Variants in TMEM65 observed in about 807,000 individuals in gnomAD.
The protein encoded by TMEM65 is transmembrane protein 65.
A neutral mutation model predicts 25.4 loss-of-function variants in TMEM65; 22 were observed. The ratio of observed to expected loss-of-function variants is 0.86; its 90% confidence interval spans 0.62 to 1.23. The LOEUF is 1.23. Ranked by LOEUF, TMEM65 falls within the 50% of genes most tolerant of loss-of-function variation. The pLI is 0.00. For missense variants in TMEM65, 262 were observed against 308.2 expected (o/e 0.85, Z 1.12); for synonymous variants, 132 against 126.2 (o/e 1.05, Z -0.31).
At chr8:124,338,960 G>A (rs926115805) in intron 1 of TMEM65, among the ~76,000 whole-genome samples, 1 of 151,774 alleles carries the variant, frequency 6.6e-6, no homozygotes, top group Non-Finnish European at 1.5e-5. Flanking sequence ...GGAGGCCAAG[G>A]CGGGTGGATC....
chr8:124,315,850 C>T (rs1375103208), intron 6 of TMEM65, among the ~76,000 whole-genome samples: 1 of 152,166 alleles, frequency 6.6e-6, no homozygotes, highest in African/African-American at 2.4e-5. Flanking sequence ...CTTCATTCCA[C>T]ATGCTGATAA....
At chr8:124,369,595 C>T (rs1192335165) in intron 1 of TMEM65, among the ~76,000 whole-genome samples, 1 of 152,108 alleles carries the variant, frequency 6.6e-6, no homozygotes, top group Non-Finnish European at 1.5e-5. Context: ...TACTTCAAAA[C>T]ATTATTCAAA....
At chr8:124,333,576 T>C (rs989359681) in intron 1 of TMEM65, among the ~76,000 whole-genome samples, 7 of 152,042 alleles carry the variant, frequency 4.6e-5, no homozygotes, top group Non-Finnish European at 5.9e-5. Flanking sequence ...AAGCTTGTAC[T>C]TCACCATACC....
chr8:124,361,264 T>G (rs919172372), intron 1 of TMEM65, among the ~76,000 whole-genome samples: 2 of 150,744 alleles, frequency 1.3e-5, no homozygotes. Context: ...CGAGACCCTG[T>G]CTCTACTAAA....
chr8:124,320,341 G>A, intron 5 of TMEM65, 150 bp from the exon 6 acceptor site: 2 of 464,692 alleles, frequency 4.3e-6, no homozygotes, highest in South Asian at 3.9e-5. Context: ...ATTACTACAA[G>A]GAGAAACAAG....
intron 1 of TMEM65, among the ~76,000 whole-genome samples, chr8:124,332,279 T>A (rs550904167): frequency 1.3e-5 from 2 of 152,278 alleles, no homozygotes; most frequent in East Asian, 3.9e-4. Context: ...GAACTATTTG[T>A]TAGTTGCATT....
intron 1 of TMEM65, among the ~76,000 whole-genome samples, chr8:124,343,975 T>C (rs965576306): frequency 6.6e-6 from 1 of 152,246 alleles, no homozygotes; most frequent in African/African-American, 2.4e-5. Flanking sequence ...TGTGTAACCC[T>C]AATTCCTTGT....
rs1815019669 is a variant in TMEM65 at position 124,371,844 on chromosome 8, C to T, written c.304+10G>A. 2.6e-6 allele frequency: 4 copies of T among 1,516,920 alleles called. No homozygotes were observed. Among genetic ancestry groups the T allele is most frequent in the Non-Finnish European group, 3.5e-6 (4 of 1,138,280 alleles). The allele number at this position is 1,516,920 out of a possible 1,614,324, so 94.0% of individuals were successfully genotyped here. On this transcript the variant is annotated intron_variant, in intron 1 of 6. Coordinates refer to ENST00000297632, the MANE Select transcript of TMEM65 (RefSeq NM_194291.3). The stretch of plus-strand genomic sequence containing the variant: ...GGCCCCCGGGCTCGCCCCCCACCTG[C>T]CCCCCTTACCTTGGGCAATGGCAAT...
At chr8:124,366,610 G>C (rs575153613) in intron 1 of TMEM65, among the ~76,000 whole-genome samples, 9 of 151,858 alleles carry the variant, frequency 5.9e-5, no homozygotes, top group African/African-American at 2.2e-4. Context: ...AAAATCATGA[G>C]CTATGATAGA....
intron 1 of TMEM65, among the ~76,000 whole-genome samples, chr8:124,356,692 C>T (rs966692064): frequency 1.3e-5 from 2 of 152,036 alleles, no homozygotes; most frequent in Admixed American, 1.3e-4. Context: ...CTATCTAAAG[C>T]ATCAGATCAC....
At position 124,313,979 on chromosome 8, in the gene TMEM65, T is replaced by C. The variant is rs1425409197; in HGVS notation, c.704A>G (p.Lys235Arg). The part of the protein sequence containing the change: ...IFFGGGEEDE[K>R]LETKS ...AGAGGATTAACTTTTCGTTTCCAGT[T>C]TTTCATCTTCTTCACCTCCTCCAAA... is the stretch of plus-strand genomic sequence containing the variant. Residue 235 changes from lysine to arginine, a missense_variant, in exon 7 of 7, where the codon AAA (lysine) becomes AGA (arginine). Transcript: ENST00000297632. 6.2e-7 allele frequency: 1 copy of C among 1,613,314 alleles called. No individual in the cohort carries two copies. The highest frequency in any genetic ancestry group is 1.1e-5 in the South Asian group (1 of 91,038).
chr8:124,340,158 G>T (rs1300816622), intron 1 of TMEM65, among the ~76,000 whole-genome samples: 2 of 152,058 alleles, frequency 1.3e-5, no homozygotes. Flanking sequence ...TATTCCACTG[G>T]CCAGAAAAAC....
At chr8:124,350,135 TG>T (rs1814688845) in intron 1 of TMEM65, among the ~76,000 whole-genome samples, 1 of 151,682 alleles carries the variant, frequency 6.6e-6, no homozygotes, top group Admixed American at 6.6e-5. Flanking sequence ...TGTGTGTGTG[TG>T]TGTGTGTGTG....
chr8:124,350,401 T>A (rs1364872590), intron 1 of TMEM65, among the ~76,000 whole-genome samples: 1 of 149,266 alleles, frequency 6.7e-6, no homozygotes, highest in East Asian at 2.0e-4. Flanking sequence ...TTTGTTTTAA[T>A]CTTTCTCTCT....
intron 1 of TMEM65, among the ~76,000 whole-genome samples, chr8:124,361,940 G>C (rs980012736): frequency 6.6e-6 from 1 of 151,562 alleles, no homozygotes; most frequent in Non-Finnish European, 1.5e-5. Context: ...GCCCAGGCTG[G>C]AGTGCAACGA....
At chr8:124,316,121 G>T (rs1158397416) in intron 6 of TMEM65, among the ~76,000 whole-genome samples, 4 of 152,056 alleles carry the variant, frequency 2.6e-5, no homozygotes, top group Non-Finnish European at 5.9e-5. Flanking sequence ...TCAATAGGGT[G>T]GAGAAGAGGA....
At chr8:124,349,036 C>G (rs1407890819) in intron 1 of TMEM65, among the ~76,000 whole-genome samples, 4 of 152,210 alleles carry the variant, frequency 2.6e-5, no homozygotes, top group Non-Finnish European at 5.9e-5. Flanking sequence ...TCATTCTCCA[C>G]TTTGAAGATG....
chr8:124,353,916 CAG>C (rs1233286307), intron 1 of TMEM65, among the ~76,000 whole-genome samples: 1 of 152,022 alleles, frequency 6.6e-6, no homozygotes, highest in African/African-American at 2.4e-5. Context: ...AAAAGGAAAA[CAG>C]TAACTTTAGA....
chr8:124,356,212 C>T (rs554755997), intron 1 of TMEM65, among the ~76,000 whole-genome samples: 33 of 152,146 alleles, frequency 2.2e-4, no homozygotes, highest in African/African-American at 7.9e-4. Flanking sequence ...CTGTTTTACC[C>T]ATCTCTCCCC....
Sources: gnomAD v4.1 joint callset for allele counts (sites outside exome capture counted in the v4.1 genomes callset) on GRCh38, gnomAD v4.1.1 for gene constraint, MANE v1.5 for transcripts, NCBI Gene and HGNC (gene_info 2026-07-23, HGNC 2026-07-21) for gene names.